The following AP1S3 variants were observed in gnomAD, a reference collection of about 807,000 sequenced individuals.
The protein encoded by AP1S3 is adaptor related protein complex 1 subunit sigma 3, also known as AP-1 complex subunit sigma-3.
Under a neutral mutation model 20.9 loss-of-function variants are expected in AP1S3, and 10 were observed. The ratio of observed to expected loss-of-function variants is 0.48; its 90% CI spans 0.29 to 0.81. The LOEUF is 0.81. Among genes scored for constraint, AP1S3 ranks in the 30% least tolerant of loss-of-function variants. The pLI is 0.08. For synonymous variants in AP1S3, 41 were observed against 61.5 expected (o/e 0.67, Z 1.56); for missense variants, 154 against 183.8 (o/e 0.84, Z 0.94).
rs137870920 is a variant in AP1S3, at chr2:223,833,636, G to C, written c.3+3812C>G. ...TAGCATAAAAGTCAGCAAAAGTCAG[G>C]AATGAAGCAGCAGGAAAGACAGGGA... On this transcript the variant is annotated intron_variant, in intron 1 of 4. Transcript: ENST00000396654. Among the ~76,000 whole-genome samples, 46 of 152,332 alleles carry C rather than the reference G, an allele frequency of 3.0e-4. 1 individual carries two copies. The South Asian group carries it at 4.8e-3, about 16-fold the overall frequency.
intron 3 of AP1S3, among the ~76,000 whole-genome samples, chr2:223,771,845 G>A (rs1200769044): frequency 1.3e-5 from 2 of 152,198 alleles, no homozygotes; most frequent in South Asian, 2.1e-4. Flanking sequence ...AGTGGCTCAC[G>A]CCTGTAATCC....
intron 1 of AP1S3, among the ~76,000 whole-genome samples, chr2:223,825,501 T>C (rs1692108083): frequency 6.6e-6 from 1 of 152,118 alleles, no homozygotes; most frequent in South Asian, 2.1e-4. Context: ...CATCCCACCC[T>C]TCCAGGCTCA....
At chr2:223,776,130 AATC>A in intron 2 of AP1S3, 121 bp from the exon 3 acceptor site, 1 of 745,048 alleles carries the variant, frequency 1.3e-6, no homozygotes. Context: ...CCAAGAATGA[AATC>A]ATTATTCATC....
chr2:223,804,200 A>C (rs1356404775), intron 1 of AP1S3, among the ~76,000 whole-genome samples: 1 of 152,144 alleles, frequency 6.6e-6, no homozygotes, highest in Non-Finnish European at 1.5e-5. Flanking sequence ...CTCCAGCAAG[A>C]CAGAAGCCAC....
chr2:223,786,274 C>T (rs1691071870), intron 1 of AP1S3, among the ~76,000 whole-genome samples: 1 of 152,062 alleles, frequency 6.6e-6, no homozygotes, highest in Non-Finnish European at 1.5e-5. Context: ...GATGGAGGAG[C>T]CCTAATAACT....
chr2:223,834,134 C>CTG (rs952309980), intron 1 of AP1S3, among the ~76,000 whole-genome samples: 1 of 152,102 alleles, frequency 6.6e-6, no homozygotes, highest in Non-Finnish European at 1.5e-5. Context: ...TCTCAAATTC[C>CTG]TGACTTCAGG....
At chr2:223,779,854 C>T (rs1175528033) in intron 1 of AP1S3, among the ~76,000 whole-genome samples, 1 of 152,010 alleles carries the variant, frequency 6.6e-6, no homozygotes, top group Non-Finnish European at 1.5e-5. Flanking sequence ...GTAGTCCCAG[C>T]TACTCAGGAG....
At chr2:223,817,100 C>T (rs953415951) in intron 1 of AP1S3, among the ~76,000 whole-genome samples, 28 of 151,022 alleles carry the variant, frequency 1.9e-4, no homozygotes, top group African/African-American at 6.8e-4. Flanking sequence ...ACTCCAGCCT[C>T]GACAACAAAG....
At chr2:223,835,812 T>C (rs1234000168) in intron 1 of AP1S3, among the ~76,000 whole-genome samples, 2 of 152,158 alleles carry the variant, frequency 1.3e-5, no homozygotes, top group Admixed American at 6.5e-5. Context: ...CAGCTTTTCC[T>C]TATAGACCAA....
rs1490432462 is a variant in AP1S3, at chr2:223,758,693, G to A, written c.*22C>T. On this transcript the variant is annotated 3_prime_UTR_variant, in exon 5 of 5. Transcript: ENST00000396654. ...TACAGCTTCATAACATGTAGTGCTG[G>A]AGTCTTCAAGTAGATTTCCAGTTAA... The A allele has an allele frequency of 6.2e-7, 1 of 1,605,718 alleles. No individual in the cohort carries two copies. Among genetic ancestry groups the A allele is most frequent in the Admixed American group, 1.7e-5 (1 of 58,840 alleles).
intron 1 of AP1S3, among the ~76,000 whole-genome samples, chr2:223,814,092 T>C (rs1307366918): frequency 6.6e-6 from 1 of 152,202 alleles, no homozygotes; most frequent in Non-Finnish European, 1.5e-5. Flanking sequence ...TGTGCCCCAA[T>C]ATTTATAACC....
chr2:223,778,192 C>G (rs893992580), intron 1 of AP1S3, among the ~76,000 whole-genome samples: 9 of 126,142 alleles, frequency 7.1e-5, no homozygotes, highest in African/African-American at 3.3e-4. Flanking sequence ...GTGGCGCGGT[C>G]TCAGCTCACT....
intron 1 of AP1S3, among the ~76,000 whole-genome samples, chr2:223,787,268 G>T (rs1691099762): frequency 6.6e-6 from 1 of 152,148 alleles, no homozygotes; most frequent in South Asian, 2.1e-4. Flanking sequence ...AGAACCATGG[G>T]CCAATTAAAC....
chr2:223,793,329 C>T (rs1270124047), intron 1 of AP1S3, among the ~76,000 whole-genome samples: 1 of 152,184 alleles, frequency 6.6e-6, no homozygotes, highest in Non-Finnish European at 1.5e-5. Flanking sequence ...ACCTAAATGC[C>T]TATCAATGAT....
At chr2:223,812,850 C>G (rs1691765328) in intron 1 of AP1S3, among the ~76,000 whole-genome samples, 1 of 151,966 alleles carries the variant, frequency 6.6e-6, no homozygotes, top group African/African-American at 2.4e-5. Context: ...GAGTAAGGAA[C>G]TCAAAATTGT....
intron 1 of AP1S3, among the ~76,000 whole-genome samples, chr2:223,789,578 G>T (rs1017475114): frequency 9.9e-5 from 15 of 151,504 alleles, no homozygotes; most frequent in Non-Finnish European, 1.5e-4. Context: ...GGTGACTCAT[G>T]CCTACAATCC....
At chr2:223,781,094 C>T (rs531001671) in intron 1 of AP1S3, among the ~76,000 whole-genome samples, 1 of 151,996 alleles carries the variant, frequency 6.6e-6, no homozygotes, top group Admixed American at 6.6e-5. Context: ...CAGCTGCATC[C>T]GTGTTGCTGC....
intron 1 of AP1S3, among the ~76,000 whole-genome samples, chr2:223,826,594 GAAACA>G (rs1305767694): frequency 1.0e-5 from 1 of 99,928 alleles, no homozygotes; most frequent in African/African-American, 3.6e-5. Context: ...CTCCGTCTCA[GAAACA>G]AAACAAAACA....
intron 3 of AP1S3, among the ~76,000 whole-genome samples, chr2:223,768,017 G>A (rs777826703): frequency 6.6e-6 from 1 of 152,090 alleles, no homozygotes; most frequent in African/African-American, 2.4e-5. Context: ...TCCAGGTGGC[G>A]GTTGTGCCTG....
Sources: gnomAD v4.1 joint callset for allele counts (sites outside exome capture counted in the v4.1 genomes callset) on GRCh38, gnomAD v4.1.1 for gene constraint, MANE v1.5 for transcripts, NCBI Gene and HGNC (gene_info 2026-07-23, HGNC 2026-07-21) for gene names.